The following PIAS2 variants were observed in gnomAD, a reference collection of about 807,000 sequenced individuals.
The protein encoded by PIAS2 is E3 SUMO-protein ligase PIAS2.
In PIAS2, 19 loss-of-function variants were observed where a neutral mutation model predicts 69.7. That is an observed-to-expected ratio of 0.27 (90% CI 0.19 to 0.40). PIAS2 has a LOEUF of 0.40. Among genes scored for constraint, PIAS2 ranks in the 10% least tolerant of loss-of-function variants. PIAS2 has a pLI of 1.00. For missense variants in PIAS2, 624 were observed against 757.0 expected (o/e 0.82, Z 2.06); for synonymous variants, 261 against 263.2 (o/e 0.99, Z 0.08).
intron 1 of PIAS2, among the ~76,000 whole-genome samples, chr18:46,905,530 A>AT (rs2056484624): frequency 6.6e-6 from 1 of 152,130 alleles, no homozygotes; most frequent in African/African-American, 2.4e-5. Context: ...AGCATAAACA[A>AT]TATCAAAAAC....
intron 12 of PIAS2, among the ~76,000 whole-genome samples, chr18:46,819,212 T>G (rs1255114843): frequency 6.6e-6 from 1 of 152,088 alleles, no homozygotes; most frequent in Admixed American, 6.6e-5. Context: ...CATACTGAGA[T>G]GACATGCAGA....
chr18:46,815,316 G>A lies in PIAS2; in HGVS notation c.1682C>T (p.Pro561Leu). 2 of 1,611,110 alleles carry A rather than the reference G, an allele frequency of 1.2e-6. No individual in the cohort carries two copies. Among genetic ancestry groups the A allele is most frequent in the Non-Finnish European group, 1.7e-6 (2 of 1,177,872 alleles). The change falls in exon 13 of 14, where the codon CCC becomes CTC. Residue 561 changes from proline to leucine, a missense_variant. Physicochemically the swap from Pro to Leu is moderately conservative, Grantham distance 98 (BLOSUM62 -3). Transcript: ENST00000585916. ...GCTTAAATTCAGGATACATACCTGG[G>A]GATCAACTGGAATAAGGGAAAGAAA... ...LDFLSLIPVD[P>L]QYCPPMFLDS...
rs7231374 is a variant in PIAS2 at position 46,817,245 on chromosome 18, G to A, written c.1649-1896C>T. 880 of 982,356 alleles carry A rather than the reference G, an allele frequency of 9.0e-4. 4 individuals are homozygous for A. In the African/African-American group the frequency reaches 0.01, roughly 11 times the overall value. The allele number at this position is 982,356 out of a possible 1,614,324, so 60.9% of individuals were successfully genotyped here. ...TTAGTAACTGAAACCTTTTTATAAC[G>A]CTAAGTATTGACAATGGTGTTGGAA... is the stretch of plus-strand genomic sequence containing the variant. On this transcript the variant is annotated intron_variant, in intron 12 of 13. Transcript: ENST00000585916.
At chr18:46,825,139 T>C (rs1296277311) in intron 11 of PIAS2, among the ~76,000 whole-genome samples, 1 of 152,236 alleles carries the variant, frequency 6.6e-6, no homozygotes, top group Middle Eastern at 3.4e-3. Context: ...ATGATAAACT[T>C]ACACAGCACA....
At chr18:46,865,584 C>T (rs2145626060) in intron 2 of PIAS2, among the ~76,000 whole-genome samples, 1 of 150,342 alleles carries the variant, frequency 6.7e-6, no homozygotes, top group South Asian at 2.1e-4. Flanking sequence ...TTTCCTGCTA[C>T]ATGAAGATAA....
In PIAS2 at chr18:46,829,727, C is replaced by T; in HGVS notation, c.1336+7G>A. The T allele has an allele frequency of 1.2e-6, 2 of 1,611,286 alleles. No homozygotes were observed. The highest frequency in any genetic ancestry group is 1.7e-4 in the Middle Eastern group (1 of 6,048). On this transcript the variant is annotated splice_region_variant and intron_variant, in intron 10 of 13. Transcript: ENST00000585916. ...TGCTTTACTCTCTGCTGCTATTCTA[C>T]ACATACTTTCTATTTTTGTACACGG...
At chr18:46,850,935 G>A (rs569230102) in intron 5 of PIAS2, among the ~76,000 whole-genome samples, 1 of 152,284 alleles carries the variant, frequency 6.6e-6, no homozygotes, top group Non-Finnish European at 1.5e-5. Context: ...GCAACCTCCA[G>A]TGGCTTTAGT....
At position 46,904,827 on chromosome 18, in the gene PIAS2, T is replaced by A. The variant is rs563296505; in HGVS notation, c.24+12495A>T. Among the ~76,000 whole-genome samples, 440 of 151,704 alleles carry A rather than the reference T, an allele frequency of 2.9e-3. 2 individuals carry two copies. The Middle Eastern group carries it at 0.034, about 12-fold the overall frequency. ...CTGGTCTCAAACTCTTGGGCTCAAGTGATCCTCCCACCTCAGCCTCCCAAG... is the reference window on the plus strand; with the variant it reads ...CTGGTCTCAAACTCTTGGGCTCAAGAGATCCTCCCACCTCAGCCTCCCAAG... On this transcript the variant is annotated intron_variant, in intron 1 of 13. Transcript: ENST00000585916.
intron 2 of PIAS2, among the ~76,000 whole-genome samples, chr18:46,870,133 A>G (rs1384997627): frequency 6.6e-6 from 1 of 152,052 alleles, no homozygotes; most frequent in East Asian, 1.9e-4. Flanking sequence ...GTCTGAGTCT[A>G]TGCCTCCTCC....
At chr18:46,899,082 T>C (rs1008105116) in intron 1 of PIAS2, among the ~76,000 whole-genome samples, 11 of 151,708 alleles carry the variant, frequency 7.3e-5, no homozygotes, top group Non-Finnish European at 1.2e-4. Flanking sequence ...AAGGTATCAA[T>C]TGTTTCCAAG....
At chr18:46,883,439 A>C (rs1236688826) in intron 2 of PIAS2, among the ~76,000 whole-genome samples, 2 of 152,140 alleles carry the variant, frequency 1.3e-5, no homozygotes, top group Admixed American at 1.3e-4. Flanking sequence ...GCAGTGGCTC[A>C]TGCCTGTAAT....
chr18:46,843,610 T>C (rs1450492550), intron 8 of PIAS2, among the ~76,000 whole-genome samples: 1 of 152,172 alleles, frequency 6.6e-6, no homozygotes, highest in African/African-American at 2.4e-5. Context: ...TCATACTTTC[T>C]ATGTAAGGAG....
chr18:46,915,864 A>T (rs1173969032), intron 1 of PIAS2, among the ~76,000 whole-genome samples: 1 of 152,212 alleles, frequency 6.6e-6, no homozygotes, highest in East Asian at 1.9e-4. Context: ...GGCAGGTAAA[A>T]ATAAATATAA....
chr18:46,911,204 T>C (rs2057220660), intron 1 of PIAS2, among the ~76,000 whole-genome samples: 1 of 151,718 alleles, frequency 6.6e-6, no homozygotes, highest in African/African-American at 2.4e-5. Context: ...ACCAGGACTT[T>C]GTTATATTTC....
At chr18:46,884,579 T>C (rs2052828620) in intron 2 of PIAS2, among the ~76,000 whole-genome samples, 2 of 151,882 alleles carry the variant, frequency 1.3e-5, no homozygotes, top group African/African-American at 4.8e-5. Context: ...CCAAAAGTGT[T>C]GGGATTACAG....
chr18:46,817,852 T>G (rs954264290), intron 12 of PIAS2: 2 of 964,428 alleles, frequency 2.1e-6, no homozygotes, highest in African/African-American at 3.5e-5. Context: ...TTTTACATTT[T>G]AAGCAGAATA....
intron 5 of PIAS2, among the ~76,000 whole-genome samples, chr18:46,851,628 G>C (rs1335959740): frequency 5.9e-5 from 9 of 152,106 alleles, no homozygotes; most frequent in Admixed American, 2.6e-4. Flanking sequence ...TTGCACCAAG[G>C]GAACCTGGAA....
chr18:46,820,633 G>A (rs2042063826), intron 12 of PIAS2, among the ~76,000 whole-genome samples: 1 of 151,870 alleles, frequency 6.6e-6, no homozygotes, highest in South Asian at 2.1e-4. Context: ...TCACCTGTGA[G>A]GTTCTATAAT....
chr18:46,820,329 T>G (rs992434677), intron 12 of PIAS2, among the ~76,000 whole-genome samples: 3 of 152,152 alleles, frequency 2.0e-5, no homozygotes, highest in African/African-American at 7.2e-5. Flanking sequence ...AAATTCAACT[T>G]TATCATGAGT....
Sources: gnomAD v4.1 joint callset for allele counts (sites outside exome capture counted in the v4.1 genomes callset) on GRCh38, gnomAD v4.1.1 for gene constraint, MANE v1.5 for transcripts, NCBI Gene and HGNC (gene_info 2026-07-23, HGNC 2026-07-21) for gene names.